The following LATS2 variants were observed in gnomAD, a reference collection of about 807,000 sequenced individuals.
LATS2 encodes large tumor suppressor kinase 2, also known as serine/threonine-protein kinase LATS2.
A neutral mutation model predicts 76.0 loss-of-function variants in LATS2; 24 were observed. The observed-to-expected ratio is 0.32, with a 90% CI of 0.23 to 0.44. The LOEUF (loss-of-function observed/expected upper bound fraction) is 0.44. LATS2 is among the 20% of genes least tolerant of loss of function. The probability of loss-of-function intolerance (pLI) is 1.00; values close to 1 mark genes in which losing one functional copy is unlikely to be tolerated. For synonymous variants in LATS2, 692 were observed against 635.4 expected, an observed-to-expected ratio of 1.09 and a Z score of -1.34; for missense variants, 1,286 against 1,481.2, an observed-to-expected ratio of 0.87 and a Z score of 2.16.
intron 2 of LATS2, among the ~76,000 whole-genome samples, chr13:21,028,233 T>A (rs1041791992): frequency 3.9e-5 from 6 of 152,182 alleles, no homozygotes; most frequent in Admixed American, 2.6e-4. Flanking sequence ...TCCAATTTCA[T>A]CCATGTCCTT....
At chr13:20,984,109 T>C (rs1870036867) in intron 4 of LATS2, among the ~76,000 whole-genome samples, 1 of 152,180 alleles carries the variant, frequency 6.6e-6, no homozygotes, top group South Asian at 2.1e-4. Flanking sequence ...AATTTTTGTA[T>C]TTTTAGTAGA....
At chr13:21,016,427 G>A (rs1391039670) in intron 2 of LATS2, among the ~76,000 whole-genome samples, 2 of 151,744 alleles carry the variant, frequency 1.3e-5, no homozygotes, top group Non-Finnish European at 2.9e-5. Flanking sequence ...GGGATTATAG[G>A]TACATACCAC....
Position 21,034,004 on chromosome 13 carries a change from T to C in LATS2, c.342+11681A>G, listed in dbSNP as rs142394061. On this transcript the variant is annotated intron_variant, in intron 2 of 7. Transcript: ENST00000382592. ...CGCACCCAGGCTGGTAGGACAACGA[T>C]CTTATTATTAAGTAAAGCACGTCAC... Among the ~76,000 whole-genome samples, 976 of 152,144 alleles carry C rather than the reference T, an allele frequency of 6.4e-3. 13 individuals are homozygous for C. The highest frequency in any genetic ancestry group is 0.022 in the African/African-American group (925 of 41,504).
intron 2 of LATS2, among the ~76,000 whole-genome samples, chr13:20,994,967 C>T (rs1004308510): frequency 6.6e-5 from 10 of 152,028 alleles, no homozygotes; most frequent in Non-Finnish European, 1.0e-4. Flanking sequence ...GGCAGGATGG[C>T]GCAGTGGTAC....
chr13:21,022,093 C>G (rs1872087527), intron 2 of LATS2, among the ~76,000 whole-genome samples: 1 of 152,028 alleles, frequency 6.6e-6, no homozygotes, highest in Admixed American at 6.6e-5. Flanking sequence ...TGTGGAGGAG[C>G]TCTGAAAAAT....
Position 21,004,536 on chromosome 13 carries a change from AC to A in LATS2, c.343-13133del, listed in dbSNP as rs529640947. ...TTTTGTATAGCATTACTGGGCACTG[AC>A]CAGCACACGTGTGTGTCAGCATGAA... is the stretch of plus-strand genomic sequence containing the variant. On this transcript the variant is annotated intron_variant, in intron 2 of 7. Transcript: ENST00000382592. Among the ~76,000 whole-genome samples, 144 of 152,194 alleles carry A rather than the reference AC, an allele frequency of 9.5e-4. 2 individuals are homozygous for A. Among genetic ancestry groups the A allele is most frequent in the African/African-American group, 3.0e-3 (125 of 41,512 alleles).
chr13:21,020,697 G>A (rs1405442799), intron 2 of LATS2, among the ~76,000 whole-genome samples: 1 of 152,180 alleles, frequency 6.6e-6, no homozygotes, highest in African/African-American at 2.4e-5. Flanking sequence ...ACACTGTCCA[G>A]GGGCTAAAAG....
intron 3 of LATS2, among the ~76,000 whole-genome samples, chr13:20,990,172 T>G (rs1163529979): frequency 6.6e-6 from 1 of 152,114 alleles, no homozygotes; most frequent in Non-Finnish European, 1.5e-5. Context: ...CCAGAAGACG[T>G]CAGTGAAGAG....
At chr13:21,030,054 G>C (rs1023429885) in intron 2 of LATS2, among the ~76,000 whole-genome samples, 2 of 151,872 alleles carry the variant, frequency 1.3e-5, no homozygotes, top group Non-Finnish European at 2.9e-5. Flanking sequence ...AACCTGGGAG[G>C]GGGAGGTTGG....
chr13:21,007,440 ACT>A (rs1398281822), intron 2 of LATS2, among the ~76,000 whole-genome samples: 21 of 144,944 alleles, frequency 1.4e-4, no homozygotes, highest in African/African-American at 5.1e-4. Flanking sequence ...TTTTCCAGGC[ACT>A]GAGAAGATAT....
intron 7 of LATS2, among the ~76,000 whole-genome samples, chr13:20,979,228 G>T (rs977296418): frequency 1.3e-5 from 2 of 152,202 alleles, no homozygotes; most frequent in African/African-American, 4.8e-5. Context: ...CAGTCAACAG[G>T]CTATTAGTAA....
chr13:21,006,637 C>T (rs1871277580), intron 2 of LATS2, among the ~76,000 whole-genome samples: 1 of 152,238 alleles, frequency 6.6e-6, no homozygotes, highest in Non-Finnish European at 1.5e-5. Flanking sequence ...GAAGACTCTG[C>T]TCTTCACTTC....
intron 2 of LATS2, among the ~76,000 whole-genome samples, chr13:21,019,922 T>C (rs138325543): frequency 2.7e-5 from 4 of 147,706 alleles, no homozygotes; most frequent in African/African-American, 7.5e-5. Context: ...CGCAGTGAGC[T>C]GAGATCGTGC....
intron 1 of LATS2, among the ~76,000 whole-genome samples, chr13:21,051,074 G>A (rs191151978): frequency 2.5e-4 from 38 of 152,338 alleles, no homozygotes; most frequent in African/African-American, 7.7e-4. Context: ...GATGTGTGAC[G>A]CATACGCCGT....
intron 1 of LATS2, among the ~76,000 whole-genome samples, chr13:21,051,635 G>A (rs960909148): frequency 3.3e-5 from 5 of 152,148 alleles, no homozygotes; most frequent in East Asian, 1.9e-4. Context: ...TGTCAGTGGT[G>A]GAGGAGGAAG....
rs759119902 is a variant in LATS2, at chr13:20,989,112, C to T, written c.668G>A (p.Gly223Glu). ...TGGGTGCTGGTGCTGGTGGCCGGGC[C>T]CGTGGGGGCCGACTCCGGGGAAAAG... ...DYLFPGVGPH[G>E]PGHQHQHPPK... is the part of the protein sequence containing the mutation. Residue 223 changes from glycine to glutamate, a missense_variant, in exon 4 of 8, where the codon GGG (glycine) becomes GAG (glutamate). Physicochemically the swap from Gly to Glu is moderately conservative, Grantham distance 98 (BLOSUM62 -2). This residue lies in a region of LATS2 where 710 missense variants were observed against 660.9 expected (regional missense o/e 1.07). Coordinates refer to ENST00000382592, the MANE Select transcript of LATS2 (RefSeq NM_014572.3). The T allele has an allele frequency of 6.2e-7, 1 of 1,605,188 alleles. No homozygotes were observed. The highest frequency in any genetic ancestry group is 1.1e-5 in the South Asian group (1 of 90,672).
chr13:20,990,224 T>C (rs568534292), intron 3 of LATS2, among the ~76,000 whole-genome samples: 6 of 152,290 alleles, frequency 3.9e-5, no homozygotes, highest in Admixed American at 3.9e-4. Flanking sequence ...GCACGGAACA[T>C]GGGCCTGGCC....
intron 2 of LATS2, among the ~76,000 whole-genome samples, chr13:21,020,893 A>T (rs559766240): frequency 1.3e-5 from 2 of 152,308 alleles, no homozygotes; most frequent in East Asian, 3.9e-4. Flanking sequence ...GCCAGACTGG[A>T]CCAAGGACAC....
At chr13:21,008,128 G>A (rs1227971698) in intron 2 of LATS2, among the ~76,000 whole-genome samples, 7 of 152,206 alleles carry the variant, frequency 4.6e-5, no homozygotes, top group East Asian at 1.9e-4. Context: ...AGAGGTGGAC[G>A]AGGAGCTGAC....
Sources: gnomAD v4.1 joint callset for allele counts (sites outside exome capture counted in the v4.1 genomes callset) on GRCh38, gnomAD v4.1.1 for gene constraint, gnomAD v4.1.1 regional missense constraint, MANE v1.5 for transcripts, NCBI Gene and HGNC (gene_info 2026-07-23, HGNC 2026-07-21) for gene names.